The following TVP23C variants were observed in gnomAD, a reference collection of about 807,000 sequenced individuals.
TVP23C encodes the protein Golgi apparatus membrane protein TVP23 homolog C.
In TVP23C, 19 loss-of-function variants were observed where a neutral mutation model predicts 28.7. That is an observed-to-expected ratio of 0.66 (90% CI 0.46 to 0.97). The LOEUF (loss-of-function observed/expected upper bound fraction) is 0.97, where lower values mean the gene tolerates loss of function less well. TVP23C is among the 50% of genes least tolerant of loss of function. The probability of loss-of-function intolerance (pLI) is 0.00; values close to 1 mark genes in which losing one functional copy is unlikely to be tolerated. For missense variants in TVP23C, 186 were observed against 241.3 expected (o/e 0.77, Z 1.52); for synonymous variants, 68 against 81.7 (o/e 0.83, Z 0.90).
exon 6 of TVP23C, chr17:15,503,019 G>C (rs368353086): frequency 4.3e-6 from 7 of 1,614,034 alleles, no homozygotes; most frequent in East Asian, 2.2e-5. Context: ...GCCGCACGAA[G>C]AGGTGGAGAA....
exon 6 of TVP23C, chr17:15,503,086 A>G: frequency 4.3e-6 from 7 of 1,614,164 alleles, no homozygotes; most frequent in Non-Finnish European, 5.1e-6. Context: ...TCGTGAAAGA[A>G]TTAATGTCTA....
At chr17:15,518,898 T>C (rs1982349392) in intron 5 of TVP23C, among the ~76,000 whole-genome samples, 1 of 152,200 alleles carries the variant, frequency 6.6e-6, no homozygotes, top group Non-Finnish European at 1.5e-5. Context: ...AGGGGGGACC[T>C]GGTGCGGGTG....
At chr17:15,508,601 G>A (rs1319770911) in intron 5 of TVP23C, among the ~76,000 whole-genome samples, 4 of 152,096 alleles carry the variant, frequency 2.6e-5, no homozygotes, top group African/African-American at 4.8e-5. Context: ...CTGTGGCTTC[G>A]CTGGTGCTTC....
chr17:15,554,820 G>A lies in TVP23C; in HGVS notation c.95+462C>T, dbSNP rs1396581068. Among the ~76,000 whole-genome samples, 3 of 152,124 alleles carry A rather than the reference G, an allele frequency of 2.0e-5. No individual in the cohort carries two copies. The East Asian group carries it at 5.8e-4, about 29-fold the overall frequency. On this transcript the variant is annotated intron_variant, in intron 2 of 5. Coordinates refer to ENST00000518321, the MANE Select transcript of TVP23C (RefSeq NM_001135036.2). ...TCATATAAATGAAATCATACAATAT[G>A]TGGTCTTTTGTGACTGGCATGAAAG...
chr17:15,561,353 C>T (rs1984376912), intron 1 of TVP23C, among the ~76,000 whole-genome samples: 1 of 152,170 alleles, frequency 6.6e-6, no homozygotes, highest in African/African-American at 2.4e-5. Context: ...AATCCTAGCA[C>T]TTTGGAAGGC....
At chr17:15,507,015 T>C in intron 5 of TVP23C, 1 of 1,305,020 alleles carries the variant, frequency 7.7e-7, no homozygotes, top group East Asian at 2.6e-5. Flanking sequence ...GTTATAAGGG[T>C]TCCTGCTTTC....
chr17:15,558,061 C>A (rs1984212402), intron 1 of TVP23C, among the ~76,000 whole-genome samples: 1 of 148,946 alleles, frequency 6.7e-6, no homozygotes, highest in Admixed American at 6.8e-5. Flanking sequence ...AACAAACAAA[C>A]AAAAAAAGGC....
chr17:15,503,036 C>T, exon 6 of TVP23C: 3 of 1,613,964 alleles, frequency 1.9e-6, no homozygotes, highest in South Asian at 1.1e-5. Flanking sequence ...AGAACTAAGG[C>T]GGGGCGCAGG....
At position 15,553,802 on chromosome 17, in the gene TVP23C, T is replaced by A. The variant is rs1223484201; in HGVS notation, c.123A>T (p.Leu41Phe). Residue 41 changes from leucine (L) to phenylalanine (F), a missense_variant, in exon 3 of 6, where the codon TTA becomes TTT. Physicochemically the swap from Leu to Phe is conservative, Grantham distance 22. This residue lies in a region of TVP23C where 92 missense variants were observed against 94.3 expected (regional missense o/e 0.98). Transcript: ENST00000518321. ...IRHPVASFFHLFFRVSAIIVC... is the reference protein window; with the variant it reads ...IRHPVASFFHFFFRVSAIIVC... ...CGATGATTGCACTGACTCGAAAGAA[T>A]AAGTGGAAAAACGATGCTACTGGAT... 1 of 1,613,804 alleles carries A rather than the reference T, an allele frequency of 6.2e-7. No individual in the cohort carries two copies. Among genetic ancestry groups the A allele is most frequent in the Non-Finnish European group, 8.5e-7 (1 of 1,179,826 alleles).
chr17:15,521,677 T>C (rs1259950872), intron 5 of TVP23C, among the ~76,000 whole-genome samples: 1 of 152,216 alleles, frequency 6.6e-6, no homozygotes, highest in African/African-American at 2.4e-5. Context: ...AAAGGACAGA[T>C]ATTTCAGTAA....
chr17:15,552,150 A>G (rs1161261724), intron 3 of TVP23C, among the ~76,000 whole-genome samples: 1 of 152,236 alleles, frequency 6.6e-6, no homozygotes, highest in Non-Finnish European at 1.5e-5. Flanking sequence ...AGCATGTTCT[A>G]TTTGGCTAAA....
intron 5 of TVP23C, among the ~76,000 whole-genome samples, chr17:15,511,787 G>C: frequency 6.6e-6 from 1 of 152,034 alleles, no homozygotes; most frequent in Non-Finnish European, 1.5e-5. Flanking sequence ...AAAAATACTG[G>C]ATACTTTCAA....
In TVP23C at chr17:15,537,087, T is replaced by C. The variant is rs1983185987; in HGVS notation, c.*3325A>G. 1 of 230,432 alleles carries C rather than the reference T, an allele frequency of 4.3e-6. No individual in the cohort carries two copies. The highest frequency in any genetic ancestry group is 6.9e-6 in the Non-Finnish European group (1 of 144,400). 14.3% of individuals were successfully genotyped at this position (230,432 alleles called of 1,614,324 possible). A position where few individuals can be genotyped will look rare whatever the true frequency, so the allele number is the denominator to read the frequency against. On this transcript the variant is annotated 3_prime_UTR_variant, in exon 6 of 6. Transcript: ENST00000518321. Reference sequence around the variant, plus strand: ...TAAACAAATAATCTTAAAAACTATTTTAACAATGTACAAATATATTCACAA... The same window carrying C: ...TAAACAAATAATCTTAAAAACTATTCTAACAATGTACAAATATATTCACAA...
chr17:15,536,858 C>T (rs1273042371), downstream of TVP23C: 1 of 151,506 alleles, frequency 6.6e-6, no homozygotes, highest in Non-Finnish European at 1.5e-5. Context: ...TGTTTTATAT[C>T]CTACAGATAT....
intron 5 of TVP23C, among the ~76,000 whole-genome samples, chr17:15,512,043 A>T (rs1253596244): frequency 6.6e-6 from 1 of 152,200 alleles, no homozygotes; most frequent in Non-Finnish European, 1.5e-5. Flanking sequence ...TTGCTGATTC[A>T]GTAGATCTGA....
intron 5 of TVP23C, among the ~76,000 whole-genome samples, chr17:15,524,152 C>T (rs945877811): frequency 2.0e-5 from 3 of 149,130 alleles, no homozygotes; most frequent in Admixed American, 6.7e-5. Context: ...CTTAGAATGC[C>T]CTTTCACCAT....
At chr17:15,541,373 C>T (rs1983404919) in intron 5 of TVP23C, among the ~76,000 whole-genome samples, 1 of 152,204 alleles carries the variant, frequency 6.6e-6, no homozygotes, top group Admixed American at 6.5e-5. Flanking sequence ...AATTACTCAA[C>T]TCTGCTGTTC....
At position 15,502,809 on chromosome 17, in the gene TVP23C, C is replaced by CT. The variant is rs373607534; in HGVS notation, c.*54_*55insA. 49 of 1,415,520 alleles carry CT rather than the reference C, an allele frequency of 3.5e-5. No individual in the cohort carries two copies. In the South Asian group the frequency reaches 4.2e-4, roughly 12 times the overall value. 87.7% of individuals were successfully genotyped at this position (1,415,520 alleles called of 1,614,324 possible). On this transcript the variant is annotated 3_prime_UTR_variant, in exon 6 of 6. Coordinates refer to the TVP23C transcript ENST00000225576. Reference sequence around the variant, plus strand: ...TCCCTCTCTCCTCTCTCCTCTCTCTCCTCTCTCTCTCTCTCTCTCTCTCCT... The same window carrying CT: ...TCCCTCTCTCCTCTCTCCTCTCTCTCTCTCTCTCTCTCTCTCTCTCTCTCCT...
intron 5 of TVP23C, among the ~76,000 whole-genome samples, chr17:15,516,075 C>G (rs1982214420): frequency 1.3e-5 from 2 of 152,162 alleles, no homozygotes; most frequent in Admixed American, 6.5e-5. Context: ...TGAGGCCTCC[C>G]CAGAAGCAGA....
Sources: allele counts gnomAD v4.1 joint callset (sites outside exome capture counted in the v4.1 genomes callset), GRCh38; gene constraint gnomAD v4.1.1; regional missense constraint gnomAD v4.1.1; transcripts MANE v1.5; gene names NCBI Gene and HGNC (gene_info 2026-07-23, HGNC 2026-07-21).